The following MAGI1 variants were observed in gnomAD, a reference collection of about 807,000 sequenced individuals.
MAGI1 encodes membrane-associated guanylate kinase, WW and PDZ domain-containing protein 1.
In MAGI1, 58 loss-of-function variants were observed where a neutral mutation model predicts 139.9. That is an observed-to-expected ratio of 0.41 (90% CI 0.34 to 0.52). The LOEUF is 0.52. Among genes scored for constraint, MAGI1 ranks in the 20% least tolerant of loss-of-function variants. The pLI, the probability that MAGI1 is intolerant of heterozygous loss-of-function variation, is 0.12. For missense variants in MAGI1, 1,874 were observed against 1,901.6 expected (o/e 0.99, Z 0.27); for synonymous variants, 812 against 737.9 (o/e 1.10, Z -1.63).
At chr3:65,897,856 C>G (rs2061045521) in intron 1 of MAGI1, among the ~76,000 whole-genome samples, 1 of 148,700 alleles carries the variant, frequency 6.7e-6, no homozygotes, top group Non-Finnish European at 1.5e-5. Flanking sequence ...GAGTAAAATC[C>G]TGTCCAAAAA....
chr3:65,869,053 G>T (rs879761922), intron 1 of MAGI1, among the ~76,000 whole-genome samples: 35 of 151,916 alleles, frequency 2.3e-4, no homozygotes, highest in Non-Finnish European at 4.9e-4. Flanking sequence ...GGATCACGAG[G>T]TCAGGAGATC....
At chr3:65,652,605 T>C (rs1000090789) in intron 1 of MAGI1, among the ~76,000 whole-genome samples, 1 of 152,204 alleles carries the variant, frequency 6.6e-6, no homozygotes, top group African/African-American at 2.4e-5. Flanking sequence ...TAGGGCAACC[T>C]AGTTGAATTC....
intron 1 of MAGI1, among the ~76,000 whole-genome samples, chr3:65,663,785 T>C (rs189354564): frequency 4.6e-5 from 7 of 152,252 alleles, no homozygotes; most frequent in Non-Finnish European, 7.4e-5. Flanking sequence ...AGCAGTATCT[T>C]TGACCTAAAC....
intron 1 of MAGI1, among the ~76,000 whole-genome samples, chr3:65,796,151 G>A (rs1444316558): frequency 6.6e-6 from 1 of 152,070 alleles, no homozygotes; most frequent in Non-Finnish European, 1.5e-5. Flanking sequence ...ACAGGCCGGG[G>A]TCCCAGGGAA....
chr3:65,595,334 G>C (rs1287144034), intron 2 of MAGI1, among the ~76,000 whole-genome samples: 2 of 152,192 alleles, frequency 1.3e-5, no homozygotes, highest in Non-Finnish European at 2.9e-5. Flanking sequence ...CACAAAAACA[G>C]TCTTGGGTAT....
chr3:65,877,835 T>A (rs867840630), intron 1 of MAGI1, among the ~76,000 whole-genome samples: 15 of 152,110 alleles, frequency 9.9e-5, no homozygotes, highest in African/African-American at 3.1e-4. Flanking sequence ...GGGCCAGGCA[T>A]GTGGCTCATG....
intron 1 of MAGI1, among the ~76,000 whole-genome samples, chr3:65,878,342 C>A (rs1241258007): frequency 2.0e-5 from 3 of 151,968 alleles, no homozygotes; most frequent in Non-Finnish European, 4.4e-5. Context: ...TATGGTGAAA[C>A]CTCGTCTCGA....
intron 1 of MAGI1, among the ~76,000 whole-genome samples, chr3:65,673,230 A>C (rs2086975477): frequency 6.6e-6 from 1 of 152,194 alleles, no homozygotes; most frequent in Admixed American, 6.5e-5. Flanking sequence ...CCTAATGTTT[A>C]TACCCTTTTA....
intron 17 of MAGI1, among the ~76,000 whole-genome samples, chr3:65,378,718 G>C (rs1942782715): frequency 6.9e-6 from 1 of 144,210 alleles, no homozygotes; most frequent in Admixed American, 7.1e-5. Context: ...GTCTCGCTGT[G>C]TCACCCAGGC....
chr3:65,497,033 A>G (rs1158435445), intron 2 of MAGI1, among the ~76,000 whole-genome samples: 7 of 152,158 alleles, frequency 4.6e-5, no homozygotes, highest in Non-Finnish European at 1.5e-5. Context: ...GGGAAAATCA[A>G]AAGTTCACTT....
intron 1 of MAGI1, among the ~76,000 whole-genome samples, chr3:65,654,099 A>G (rs2085734135): frequency 6.6e-6 from 1 of 152,232 alleles, no homozygotes; most frequent in Non-Finnish European, 1.5e-5. Context: ...ATTTTTTTAA[A>G]CTCTAAATGG....
chr3:65,419,233 C>CACATACACACACACACACACACACAT lies in MAGI1; in HGVS notation c.2167+10286_2167+10287insATGTGTGTGTGTGTGTGTGTGTATGT, dbSNP rs1553641830. On this transcript the variant is annotated intron_variant, in intron 12 of 22. Transcript: ENST00000402939. ...TATAACACATTCATACACACACACA[C>CACATACACACACACACACACACACAT]ACACACACACACAAGTGTATGAATG... 2.2e-3 allele frequency among the ~76,000 whole-genome samples: 338 copies of CACATACACACACACACACACACACAT among 151,734 alleles called. 3 individuals carry two copies. Among genetic ancestry groups the CACATACACACACACACACACACACAT allele is most frequent in the African/African-American group, 7.5e-3 (310 of 41,322 alleles).
intron 1 of MAGI1, among the ~76,000 whole-genome samples, chr3:65,885,464 A>G (rs2060493360): frequency 6.6e-6 from 1 of 152,104 alleles, no homozygotes; most frequent in African/African-American, 2.4e-5. Context: ...AATGAGGGGG[A>G]AAAACAAAAC....
At chr3:65,439,765 T>C (rs370945507) in intron 9 of MAGI1, 114 bp downstream of exon 9, 1 of 1,561,270 alleles carries the variant, frequency 6.4e-7, no homozygotes. Context: ...CTCTTCAGTG[T>C]GGCAAGAGAG....
intron 1 of MAGI1, among the ~76,000 whole-genome samples, chr3:65,790,694 C>T (rs550078667): frequency 1.1e-4 from 17 of 152,338 alleles, no homozygotes; most frequent in Non-Finnish European, 2.1e-4. Flanking sequence ...AGACCCAAAG[C>T]ATCATGACAT....
rs1409928120 is a variant in MAGI1 at position 65,552,716 on chromosome 3, C to T, written c.431-59085G>A. Among the ~76,000 whole-genome samples, 7 of 152,232 alleles carry T rather than the reference C, an allele frequency of 4.6e-5. No individual in the cohort carries two copies. The East Asian group carries it at 9.7e-4, about 21-fold the overall frequency. On this transcript the variant is annotated intron_variant, in intron 2 of 22. Transcript: ENST00000402939. ...CCCTGATCCTATGAATTACTTACTT[C>T]GGGAAGGGCCTGTGAAAACTGAAAT...
chr3:65,690,982 A>G (rs1323000061), intron 1 of MAGI1, among the ~76,000 whole-genome samples: 1 of 152,050 alleles, frequency 6.6e-6, no homozygotes, highest in Non-Finnish European at 1.5e-5. Context: ...TCCTGAGAGT[A>G]TTTCTTAGGA....
At chr3:65,509,194 TAAAC>T (rs1337612331) in intron 2 of MAGI1, among the ~76,000 whole-genome samples, 5 of 152,010 alleles carry the variant, frequency 3.3e-5, no homozygotes, top group Admixed American at 6.5e-5. Flanking sequence ...ACAATCAAAA[TAAAC>T]AAACAAAACA....
At chr3:65,394,218 C>T (rs576187114) in intron 13 of MAGI1, among the ~76,000 whole-genome samples, 1 of 152,228 alleles carries the variant, frequency 6.6e-6, no homozygotes, top group East Asian at 1.9e-4. Flanking sequence ...ACTGGAAATG[C>T]TTGGGCCATT....
Sources: gnomAD v4.1 joint callset for allele counts (sites outside exome capture counted in the v4.1 genomes callset) on GRCh38, gnomAD v4.1.1 for gene constraint, MANE v1.5 for transcripts, NCBI Gene and HGNC (gene_info 2026-07-23, HGNC 2026-07-21) for gene names.